The following PLPPR4 variants were observed in gnomAD, a reference collection of about 807,000 sequenced individuals.
PLPPR4 encodes phospholipid phosphatase-related protein type 4.
In PLPPR4, 24 loss-of-function variants were observed where a neutral mutation model predicts 56.6. The observed-to-expected ratio is 0.42, with a 90% CI of 0.31 to 0.60. The LOEUF (loss-of-function observed/expected upper bound fraction) is 0.60. Among genes scored for constraint, PLPPR4 ranks in the 20% least tolerant of loss-of-function variants. The pLI, the probability that PLPPR4 is intolerant of heterozygous loss-of-function variation, is 0.13. For missense variants in PLPPR4, 654 were observed against 885.8 expected (o/e 0.74, Z 3.32); for synonymous variants, 326 against 328.1 (o/e 0.99, Z 0.07).
At chr1:99,294,098 C>A (rs200121356) in intron 2 of PLPPR4, among the ~76,000 whole-genome samples, 6 of 146,170 alleles carry the variant, frequency 4.1e-5, no homozygotes, top group African/African-American at 2.5e-5. Context: ...CTGTGCCATT[C>A]AAAAAAAAAA....
chr1:99,289,448 T>C (rs1443167842), intron 2 of PLPPR4, among the ~76,000 whole-genome samples: 1 of 152,090 alleles, frequency 6.6e-6, no homozygotes, highest in African/African-American at 2.4e-5. Context: ...CATAGAACTT[T>C]ATCATATTTG....
upstream of PLPPR4, chr1:99,264,464 C>T: frequency 2.0e-6 from 3 of 1,516,240 alleles, no homozygotes; most frequent in South Asian, 3.7e-5. Context: ...AGCGCGCTGG[C>T]TCCAGCGGTG....
intron 4 of PLPPR4, 62 bp downstream of exon 4, chr1:99,299,292 G>A: frequency 1.6e-6 from 2 of 1,261,654 alleles, no homozygotes; most frequent in Admixed American, 3.7e-5. Flanking sequence ...GCTGCTTGGA[G>A]TATCACTTTA....
chr1:99,303,086 G>A (rs546208143), intron 6 of PLPPR4, among the ~76,000 whole-genome samples: 21 of 152,218 alleles, frequency 1.4e-4, no homozygotes, highest in Non-Finnish European at 2.6e-4. Context: ...TAGAAAAGAC[G>A]TCACAAAAGT....
rs1381436366 is a variant in PLPPR4 at position 99,305,999 on chromosome 1, C to A, written c.1137C>A (p.Asp379Glu). Residue 379 changes from aspartate to glutamate, a missense_variant, in exon 7 of 7, where the codon GAC becomes GAA. Physicochemically the swap from Asp to Glu is conservative, Grantham distance 45. Coordinates refer to ENST00000370185, the MANE Select transcript of PLPPR4 (RefSeq NM_014839.5). ...GAGCCAATACCCCATCTGTAGAAGACCCTGTCAGAAGAAATGCGAGCATTC... is the reference window on the plus strand; with the variant it reads ...GAGCCAATACCCCATCTGTAGAAGAACCTGTCAGAAGAAATGCGAGCATTC... ...LPRANTPSVE[D>E]PVRRNASIHA... 2.5e-6 allele frequency: 4 copies of A among 1,614,142 alleles called. No individual in the cohort carries two copies. The highest frequency in any genetic ancestry group is 1.1e-5 in the South Asian group (1 of 91,080).
At chr1:99,265,151 C>A (rs937608611) in intron 1 of PLPPR4, among the ~76,000 whole-genome samples, 9 of 148,216 alleles carry the variant, frequency 6.1e-5, no homozygotes, top group Non-Finnish European at 1.1e-4. Context: ...CCTGCCCCCC[C>A]CCCCCAAATC....
chr1:99,281,243 G>C lies in PLPPR4; in HGVS notation c.79-6722G>C, dbSNP rs1659317710. ...CCAAAAGCTGGCAGAATAAATGAGG[G>C]GAGAAACTGGATTCTCCTGCTTCTG... On this transcript the variant is annotated intron_variant, in intron 1 of 6. Transcript: ENST00000370185. Among the ~76,000 whole-genome samples the C allele has an allele frequency of 2.0e-5, 3 of 152,102 alleles. No homozygotes were observed. In the South Asian group the frequency reaches 6.2e-4, roughly 32 times the overall value.
intron 1 of PLPPR4, among the ~76,000 whole-genome samples, chr1:99,285,517 G>A (rs1478295155): frequency 6.6e-6 from 1 of 152,226 alleles, no homozygotes; most frequent in East Asian, 1.9e-4. Context: ...TCGAATAATA[G>A]CCGATAAGAA....
intron 1 of PLPPR4, among the ~76,000 whole-genome samples, chr1:99,279,852 A>G (rs1012130489): frequency 7.9e-5 from 12 of 152,202 alleles, no homozygotes; most frequent in Admixed American, 4.6e-4. Flanking sequence ...ATTAAAGTAG[A>G]TAATTAGGAT....
At chr1:99,275,030 G>A (rs1659149913) in intron 1 of PLPPR4, among the ~76,000 whole-genome samples, 1 of 151,968 alleles carries the variant, frequency 6.6e-6, no homozygotes, top group Admixed American at 6.6e-5. Context: ...TTTTAAGGCA[G>A]TTGGATACAC....
intron 2 of PLPPR4, among the ~76,000 whole-genome samples, chr1:99,290,642 A>C (rs908505342): frequency 1.3e-5 from 2 of 152,152 alleles, no homozygotes; most frequent in African/African-American, 2.4e-5. Context: ...AAGACTGCAC[A>C]CCTACAACTA....
Position 99,306,520 on chromosome 1 carries a change from T to A in PLPPR4, c.1658T>A (p.Val553Asp). ...CCCAAGAACACTGAAGGCAGCACGG[T>A]CTCCTGCACTGGCTCCATCCGCTAT... ...SSPKNTEGST[V>D]SCTGSIRYKT... The change falls in exon 7 of 7, where the codon GTC becomes GAC. Residue 553 changes from valine to aspartate, a missense_variant. By Grantham distance (152) the Val-to-Asp change is radical. Transcript: ENST00000370185. This position sits in a 1 kb window ranked among gnomAD's most constrained non-coding sequence, Gnocchi z 4.0. The A allele has an allele frequency of 6.2e-7, 1 of 1,614,074 alleles. No homozygotes were observed. The highest frequency in any genetic ancestry group is 8.5e-7 in the Non-Finnish European group (1 of 1,180,014).
intron 6 of PLPPR4, among the ~76,000 whole-genome samples, chr1:99,303,443 T>G (rs1379137488): frequency 6.6e-6 from 1 of 152,130 alleles, no homozygotes; most frequent in African/African-American, 2.4e-5. Flanking sequence ...GAGAAGGATA[T>G]TTAATGGAAG....
At chr1:99,287,018 T>C (rs897843043) in intron 1 of PLPPR4, among the ~76,000 whole-genome samples, 2 of 152,156 alleles carry the variant, frequency 1.3e-5, no homozygotes, top group African/African-American at 2.4e-5. Flanking sequence ...TATTGACCTG[T>C]CTTCTAAGTT....
intron 1 of PLPPR4, among the ~76,000 whole-genome samples, chr1:99,265,081 G>A (rs1243670470): frequency 6.6e-6 from 1 of 152,026 alleles, no homozygotes; most frequent in Non-Finnish European, 1.5e-5. Flanking sequence ...GCTATGCCTA[G>A]GGCATATGAG....
At chr1:99,275,525 G>A (rs898793872) in intron 1 of PLPPR4, among the ~76,000 whole-genome samples, 4 of 152,134 alleles carry the variant, frequency 2.6e-5, no homozygotes, top group African/African-American at 9.7e-5. Flanking sequence ...TGATGGATTC[G>A]TCGTTGCGTA....
chr1:99,309,359 A>C lies in PLPPR4; in HGVS notation c.*2349A>C, dbSNP rs2100816786. On this transcript the variant is annotated 3_prime_UTR_variant, in exon 7 of 7. Transcript: ENST00000370185. ...AGGCTGTGCTTTACTGATAAAACCA[A>C]GTATTGAATAAAGAGAGTTAATTAT... 1 of 152,506 alleles carries C rather than the reference A, an allele frequency of 6.6e-6. No individual in the cohort carries two copies. The highest frequency in any genetic ancestry group is 1.5e-5 in the Non-Finnish European group (1 of 67,982). The allele number at this position is 152,506 out of a possible 1,614,324, so 9.4% of individuals were successfully genotyped here.
rs554521232 is a variant in PLPPR4 at position 99,292,281 on chromosome 1, G to A, written c.264+4131G>A. On this transcript the variant is annotated intron_variant, in intron 2 of 6. Coordinates refer to ENST00000370185, the MANE Select transcript of PLPPR4 (RefSeq NM_014839.5). Reference sequence around the variant, plus strand: ...TTTGCTGACACTGGTACATGTCCTGGGGACAATAACCTTGGTGTCATCACT... The same window carrying A: ...TTTGCTGACACTGGTACATGTCCTGAGGACAATAACCTTGGTGTCATCACT... Among the ~76,000 whole-genome samples the A allele has an allele frequency of 2.6e-5, 4 of 152,198 alleles. No individual in the cohort carries two copies. In the East Asian group the frequency reaches 7.7e-4, roughly 29 times the overall value.
Position 99,281,624 on chromosome 1 carries a change from G to T in PLPPR4, c.79-6341G>T, listed in dbSNP as rs535785037. Among the ~76,000 whole-genome samples the T allele has an allele frequency of 1.1e-4, 17 of 152,208 alleles. 1 individual carries two copies. In the South Asian group the frequency reaches 3.5e-3, roughly 32 times the overall value. On this transcript the variant is annotated intron_variant, in intron 1 of 6. Coordinates refer to ENST00000370185, the MANE Select transcript of PLPPR4 (RefSeq NM_014839.5). Reference sequence around the variant, plus strand: ...AAAAATACTACAGGATACCACTAAAGATCATACTGTAGGAAGTAGAAAATT... The same window carrying T: ...AAAAATACTACAGGATACCACTAAATATCATACTGTAGGAAGTAGAAAATT...
Sources: gnomAD v4.1 joint callset for allele counts (sites outside exome capture counted in the v4.1 genomes callset) on GRCh38, gnomAD v4.1.1 for gene constraint, Gnocchi (gnomAD v3.1) non-coding constraint, MANE v1.5 for transcripts, NCBI Gene and HGNC (gene_info 2026-07-23, HGNC 2026-07-21) for gene names.